Variants in SLC25A21 observed in about 807,000 individuals in gnomAD.
SLC25A21 encodes solute carrier family 25 member 21, also known as mitochondrial 2-oxodicarboxylate carrier.
In SLC25A21, 47 loss-of-function variants were observed where a neutral mutation model predicts 43.8. The observed-to-expected ratio is 1.07, with a 90% CI of 0.85 to 1.37. The LOEUF is 1.37. Ranked by LOEUF, SLC25A21 falls within the 40% of genes most tolerant of loss-of-function variation. SLC25A21 has a pLI of 0.00. For missense variants in SLC25A21, 352 were observed against 350.2 expected (o/e 1.00, Z -0.04); for synonymous variants, 131 against 121.3 (o/e 1.08, Z -0.52).
At chr14:37,035,786 GC>G (rs1233996649) in intron 1 of SLC25A21, among the ~76,000 whole-genome samples, 1 of 152,170 alleles carries the variant, frequency 6.6e-6, no homozygotes, top group African/African-American at 2.4e-5. Flanking sequence ...CTAATGGGCC[GC>G]CAATGGTTCC....
At chr14:36,694,806 T>C (rs1400297340) in intron 7 of SLC25A21, among the ~76,000 whole-genome samples, 1 of 152,226 alleles carries the variant, frequency 6.6e-6, no homozygotes, top group Non-Finnish European at 1.5e-5. Context: ...TTCTGGATAT[T>C]AGCCCTTTGT....
intron 1 of SLC25A21, among the ~76,000 whole-genome samples, chr14:37,010,161 G>A (rs534448965): frequency 4.6e-4 from 70 of 152,158 alleles, no homozygotes; most frequent in Non-Finnish European, 8.4e-4. Flanking sequence ...AAGATGAAAC[G>A]TGTAACCAAA....
intron 1 of SLC25A21, among the ~76,000 whole-genome samples, chr14:37,149,261 G>T (rs922860157): frequency 2.6e-5 from 4 of 152,006 alleles, no homozygotes; most frequent in Non-Finnish European, 5.9e-5. Flanking sequence ...CACCAATGCA[G>T]ATGTCCATGA....
At chr14:36,897,508 G>C (rs2138592428) in intron 1 of SLC25A21, among the ~76,000 whole-genome samples, 2 of 152,202 alleles carry the variant, frequency 1.3e-5, no homozygotes, top group Middle Eastern at 6.8e-3. Flanking sequence ...AGAGTAGTTT[G>C]ATCGTCTGAA....
chr14:36,738,796 T>C (rs1164949817), intron 3 of SLC25A21, among the ~76,000 whole-genome samples: 2 of 152,244 alleles, frequency 1.3e-5, no homozygotes, highest in African/African-American at 2.4e-5. Context: ...TATTAGCTCG[T>C]ATGTTTATGG....
intron 2 of SLC25A21, among the ~76,000 whole-genome samples, chr14:36,834,679 G>T (rs1279851287): frequency 6.6e-6 from 1 of 152,008 alleles, no homozygotes; most frequent in East Asian, 1.9e-4. Flanking sequence ...CAGGAAAAGG[G>T]ACACAGCCTC....
chr14:36,962,577 C>T (rs890155125), intron 1 of SLC25A21, among the ~76,000 whole-genome samples: 3 of 152,134 alleles, frequency 2.0e-5, no homozygotes, highest in Admixed American at 6.5e-5. Flanking sequence ...ATGCAATACT[C>T]TTCTTTCTGT....
At chr14:36,993,642 CTGAG>C (rs1566798666) in intron 1 of SLC25A21, among the ~76,000 whole-genome samples, 1 of 151,970 alleles carries the variant, frequency 6.6e-6, no homozygotes, top group Non-Finnish European at 1.5e-5. Context: ...AAGGGACAAA[CTGAG>C]TATGAGGGAT....
chr14:37,136,726 A>T (rs572877379), intron 1 of SLC25A21, among the ~76,000 whole-genome samples: 154 of 40,220 alleles, frequency 3.8e-3, no homozygotes, highest in Middle Eastern at 0.04. Flanking sequence ...TCAGCAATTG[A>T]AAAAAAATGA....
chr14:37,108,190 T>C (rs1962950452), intron 1 of SLC25A21, among the ~76,000 whole-genome samples: 1 of 152,206 alleles, frequency 6.6e-6, no homozygotes, highest in African/African-American at 2.4e-5. Flanking sequence ...TCAAGTGTTA[T>C]ACATGTCAGA....
chr14:36,823,136 A>G (rs1377224069), intron 2 of SLC25A21, among the ~76,000 whole-genome samples: 1 of 152,212 alleles, frequency 6.6e-6, no homozygotes, highest in African/African-American at 2.4e-5. Context: ...ATAACTAACT[A>G]CACTGACAAT....
chr14:36,738,479 A>G (rs1237118889), intron 3 of SLC25A21, among the ~76,000 whole-genome samples: 1 of 152,218 alleles, frequency 6.6e-6, no homozygotes, highest in Non-Finnish European at 1.5e-5. Context: ...CATCCCGCTT[A>G]TGTCACGAGC....
At chr14:36,873,724 T>TG (rs1406213390) in intron 2 of SLC25A21, among the ~76,000 whole-genome samples, 1 of 152,068 alleles carries the variant, frequency 6.6e-6, no homozygotes, top group Non-Finnish European at 1.5e-5. Context: ...GTGAGGTCTT[T>TG]GGGGGGTGAT....
intron 1 of SLC25A21, among the ~76,000 whole-genome samples, chr14:37,048,078 T>C (rs1594768899): frequency 6.6e-6 from 1 of 152,184 alleles, no homozygotes; most frequent in African/African-American, 2.4e-5. Context: ...AACGCTCCTT[T>C]CCAGGTCCAT....
intron 1 of SLC25A21, among the ~76,000 whole-genome samples, chr14:36,992,728 T>C (rs1356019740): frequency 6.6e-6 from 1 of 152,192 alleles, no homozygotes; most frequent in African/African-American, 2.4e-5. Context: ...AGTAATTTGT[T>C]ACAGGCAAGA....
intron 1 of SLC25A21, among the ~76,000 whole-genome samples, chr14:36,991,816 C>T (rs1014168047): frequency 1.5e-4 from 21 of 144,532 alleles, no homozygotes; most frequent in East Asian, 3.9e-4. Context: ...AGGGCTGATA[C>T]GCTGAGGTAG....
At chr14:36,994,031 T>A (rs532216792) in intron 1 of SLC25A21, among the ~76,000 whole-genome samples, 1 of 152,330 alleles carries the variant, frequency 6.6e-6, no homozygotes, top group Non-Finnish European at 1.5e-5. Context: ...ATATGCAATA[T>A]TAGTAACCCT....
intron 1 of SLC25A21, among the ~76,000 whole-genome samples, chr14:37,138,321 A>G (rs2138916031): frequency 6.6e-6 from 1 of 152,328 alleles, no homozygotes; most frequent in East Asian, 1.9e-4. Context: ...ATACTTTGGC[A>G]TTTAAGGGAG....
At chr14:37,125,535 A>C (rs1161030076) in intron 1 of SLC25A21, among the ~76,000 whole-genome samples, 3 of 152,234 alleles carry the variant, frequency 2.0e-5, no homozygotes, top group African/African-American at 7.2e-5. Context: ...AAGAGAAACC[A>C]AGTTTAAAAA....
Sources: gnomAD v4.1 joint callset for allele counts (sites outside exome capture counted in the v4.1 genomes callset) on GRCh38, gnomAD v4.1.1 for gene constraint, MANE v1.5 for transcripts, NCBI Gene and HGNC (gene_info 2026-07-23, HGNC 2026-07-21) for gene names.